Variants in MALRD1 observed in about 807,000 individuals in gnomAD.
MALRD1 encodes MAM and LDL-receptor class A domain-containing protein 1.
MALRD1 carries 247 observed loss-of-function variants against 242.1 expected under a neutral mutation model. That is an observed-to-expected ratio of 1.02 (90% confidence interval 0.92 to 1.13). The LOEUF (loss-of-function observed/expected upper bound fraction) is 1.13, where lower values mean the gene tolerates loss of function less well. MALRD1 is among the 50% of genes most tolerant of loss of function. The pLI, the probability that MALRD1 is intolerant of heterozygous loss-of-function variation, is 0.00. For missense variants in MALRD1, 2,989 were observed against 2,533.1 expected (o/e 1.18, Z -3.86); for synonymous variants, 995 against 866.6 (o/e 1.15, Z -2.60).
intron 13 of MALRD1, among the ~76,000 whole-genome samples, chr10:19,171,457 TACACACATGTATATACAC>T (rs1834930820): frequency 1.3e-5 from 1 of 74,556 alleles, no homozygotes; most frequent in Admixed American, 1.5e-4. Flanking sequence ...TATATATATA[TACACACATGTATATACAC>T]ACACACATAT....
At chr10:19,096,019 G>C (rs777831785) in intron 4 of MALRD1, among the ~76,000 whole-genome samples, 27 of 152,020 alleles carry the variant, frequency 1.8e-4, no homozygotes, top group Non-Finnish European at 3.8e-4. Context: ...CTTTGAAACA[G>C]AGCTGATGGT....
intron 5 of MALRD1, among the ~76,000 whole-genome samples, chr10:19,115,946 TCA>T (rs1836856065): frequency 6.6e-6 from 1 of 152,224 alleles, no homozygotes; most frequent in African/African-American, 2.4e-5. Flanking sequence ...TTAGGTATTT[TCA>T]CAGTTTCTGA....
intron 33 of MALRD1, among the ~76,000 whole-genome samples, chr10:19,573,149 C>T (rs1327495140): frequency 6.6e-6 from 1 of 152,162 alleles, no homozygotes; most frequent in African/African-American, 2.4e-5. Flanking sequence ...GCCATGAGCT[C>T]TGGATTCTGT....
At chr10:19,311,183 A>G (rs1842409424) in intron 21 of MALRD1, among the ~76,000 whole-genome samples, 1 of 151,398 alleles carries the variant, frequency 6.6e-6, no homozygotes, top group Non-Finnish European at 1.5e-5. Context: ...TACAGTTTTA[A>G]TACTTCTGTG....
At position 19,664,749 on chromosome 10, in the gene MALRD1, G is replaced by A. The variant is rs140383913; in HGVS notation, c.6138-27533G>A. ...TTCAGAAGCTTATCCAGTTTAAACC[G>A]AAAACCTCAGAAATAACCAAAATTA... On this transcript the variant is annotated intron_variant, in intron 36 of 39. Transcript: ENST00000454679. Among the ~76,000 whole-genome samples, 455 of 151,764 alleles carry A rather than the reference G, an allele frequency of 3.0e-3. 2 individuals are homozygous for A. Among genetic ancestry groups the A allele is most frequent in the African/African-American group, 0.01 (431 of 41,424 alleles).
intron 38 of MALRD1, among the ~76,000 whole-genome samples, chr10:19,701,961 A>G (rs528995691): frequency 6.6e-6 from 1 of 151,806 alleles, no homozygotes; most frequent in Non-Finnish European, 1.5e-5. Context: ...TGGACAATAA[A>G]CTTAAACTTC....
intron 21 of MALRD1, among the ~76,000 whole-genome samples, chr10:19,322,489 T>A (rs75174132): frequency 0.059 from 9,052 of 152,228 alleles, 562 homozygotes; most frequent in African/African-American, 0.16. Flanking sequence ...TGTTAGATAT[T>A]ACACATATTT....
chr10:19,314,605 C>G (rs975074043), intron 21 of MALRD1, among the ~76,000 whole-genome samples: 2 of 151,632 alleles, frequency 1.3e-5, no homozygotes, highest in Non-Finnish European at 3.0e-5. Flanking sequence ...GAATCTTTAT[C>G]TGTAGAACAG....
intron 26 of MALRD1, among the ~76,000 whole-genome samples, chr10:19,376,477 T>C (rs1211625721): frequency 6.6e-6 from 1 of 151,568 alleles, no homozygotes; most frequent in Non-Finnish European, 1.5e-5. Flanking sequence ...TGTATTTTGA[T>C]ACTGTGTACC....
intron 18 of MALRD1, among the ~76,000 whole-genome samples, chr10:19,235,551 G>A (rs943055490): frequency 1.5e-4 from 20 of 137,086 alleles, no homozygotes; most frequent in Non-Finnish European, 2.6e-4. Flanking sequence ...TAAATACTCA[G>A]GACACACACA....
At chr10:19,300,491 G>C (rs1841901542) in intron 21 of MALRD1, among the ~76,000 whole-genome samples, 1 of 151,866 alleles carries the variant, frequency 6.6e-6, no homozygotes, top group Admixed American at 6.6e-5. Context: ...AAATAGAATA[G>C]TGCTGTGACA....
intron 36 of MALRD1, among the ~76,000 whole-genome samples, chr10:19,632,429 G>C (rs139768375): frequency 6.6e-6 from 1 of 152,198 alleles, no homozygotes; most frequent in Non-Finnish European, 1.5e-5. Flanking sequence ...GCTCTGAATA[G>C]GGCATAGAAG....
rs574676439 is a variant in MALRD1, at chr10:19,150,225, T to G, written c.1558+3881T>G. 3.9e-5 allele frequency among the ~76,000 whole-genome samples: 6 copies of G among 152,278 alleles called. No individual in the cohort carries two copies. The South Asian group carries it at 1.2e-3, about 32-fold the overall frequency. Reference sequence around the variant, plus strand: ...TATCCAATGCCTATGTCTGTTTTTGTTTTTGTTTTTGTTTTTTTTGCACTC... The same window carrying G: ...TATCCAATGCCTATGTCTGTTTTTGGTTTTGTTTTTGTTTTTTTTGCACTC... On this transcript the variant is annotated intron_variant, in intron 11 of 39. Transcript: ENST00000454679.
chr10:19,207,925 A>T (rs1836859394), intron 17 of MALRD1, among the ~76,000 whole-genome samples: 1 of 152,200 alleles, frequency 6.6e-6, no homozygotes, highest in Non-Finnish European at 1.5e-5. Context: ...TAAGTAAAAT[A>T]AGGGTGACAC....
At chr10:19,603,225 T>C (rs977965802) in intron 34 of MALRD1, among the ~76,000 whole-genome samples, 2 of 152,214 alleles carry the variant, frequency 1.3e-5, no homozygotes, top group African/African-American at 4.8e-5. Flanking sequence ...ATTTTGGCTT[T>C]TGTTGTCATT....
intron 8 of MALRD1, among the ~76,000 whole-genome samples, chr10:19,132,716 A>G (rs1296941277): frequency 1.3e-5 from 2 of 152,204 alleles, no homozygotes; most frequent in African/African-American, 4.8e-5. Flanking sequence ...AATTATGTCA[A>G]TCTTCACATT....
At chr10:19,590,703 G>C (rs900477274) in intron 33 of MALRD1, among the ~76,000 whole-genome samples, 5 of 151,804 alleles carry the variant, frequency 3.3e-5, no homozygotes, top group African/African-American at 1.2e-4. Context: ...TATATACATT[G>C]TGTGTGTGTG....
intron 35 of MALRD1, among the ~76,000 whole-genome samples, chr10:19,608,508 A>C (rs935029081): frequency 1.3e-5 from 2 of 151,768 alleles, no homozygotes; most frequent in Non-Finnish European, 2.9e-5. Flanking sequence ...TGAGTAGATG[A>C]TTTTTTTTAT....
chr10:19,508,885 G>T (rs1289092835), intron 31 of MALRD1, among the ~76,000 whole-genome samples: 1 of 152,100 alleles, frequency 6.6e-6, no homozygotes, highest in Non-Finnish European at 1.5e-5. Context: ...ATTGACTGAA[G>T]AAATATTGAA....
Sources: gnomAD v4.1 joint callset for allele counts (sites outside exome capture counted in the v4.1 genomes callset) on GRCh38, gnomAD v4.1.1 for gene constraint, MANE v1.5 for transcripts, NCBI Gene and HGNC (gene_info 2026-07-23, HGNC 2026-07-21) for gene names.